NAPB: variants seen among roughly 807,000 people sequenced by gnomAD.
NAPB encodes beta-soluble NSF attachment protein.
A neutral mutation model predicts 44.7 loss-of-function variants in NAPB; 26 were observed. The observed-to-expected ratio is 0.58, with a 90% CI of 0.43 to 0.81. NAPB has a LOEUF of 0.81. Among genes scored for constraint, NAPB ranks in the 30% least tolerant of loss-of-function variants. NAPB has a pLI of 0.00. For missense variants in NAPB, 315 were observed against 356.4 expected (o/e 0.88, Z 0.94); for synonymous variants, 120 against 116.8 (o/e 1.03, Z -0.18).
Position 23,389,940 on chromosome 20 carries a change from C to T in NAPB, c.561+6G>A, listed in dbSNP as rs777970600. On this transcript the variant is annotated splice_donor_region_variant and intron_variant, in intron 7 of 10. Transcript: ENST00000377026. ...CTTCTCTCCAAGGAAACAACAGTAT[C>T]CTCACCTGCTCATAGATCTCAATGG... 2 of 1,612,718 alleles carry T rather than the reference C, an allele frequency of 1.2e-6. No homozygotes were observed. The highest frequency in any genetic ancestry group is 1.3e-5 in the African/African-American group (1 of 74,994).
chr20:23,385,427 G>T (rs1205841758), intron 7 of NAPB, among the ~76,000 whole-genome samples: 1 of 152,158 alleles, frequency 6.6e-6, no homozygotes, highest in Non-Finnish European at 1.5e-5. Context: ...TAAAGTTGGA[G>T]ATTTTAACAC....
intron 1 of NAPB, among the ~76,000 whole-genome samples, chr20:23,408,027 C>A (rs1381780370): frequency 6.6e-6 from 1 of 152,156 alleles, no homozygotes; most frequent in Non-Finnish European, 1.5e-5. Flanking sequence ...AAAAGGCTGA[C>A]AACTCCTGAG....
chr20:23,398,914 G>C (rs1487437057), intron 2 of NAPB, among the ~76,000 whole-genome samples: 1 of 99,258 alleles, frequency 1.0e-5, no homozygotes, highest in Non-Finnish European at 1.8e-5. Context: ...GGCTGGTTTT[G>C]AACTTCTGGG....
chr20:23,405,327 G>T (rs1460123895), intron 1 of NAPB, among the ~76,000 whole-genome samples: 1 of 80,008 alleles, frequency 1.2e-5, no homozygotes, highest in African/African-American at 3.7e-5. Flanking sequence ...GAGAGAGAGA[G>T]AAAGAAAGAA....
chr20:23,411,920 T>C (rs935196781), intron 1 of NAPB, among the ~76,000 whole-genome samples: 1 of 152,220 alleles, frequency 6.6e-6, no homozygotes, highest in African/African-American at 2.4e-5. Flanking sequence ...CTCGTCATTT[T>C]CAGATCTGCT....
intron 10 of NAPB, among the ~76,000 whole-genome samples, chr20:23,378,107 T>TA (rs1376926732): frequency 6.8e-6 from 1 of 147,122 alleles, no homozygotes; most frequent in Non-Finnish European, 1.5e-5. Flanking sequence ...GCCCAGGAGT[T>TA]AAGAGACCAG....
At chr20:23,418,465 C>T (rs34036626) in intron 1 of NAPB, among the ~76,000 whole-genome samples, 12,465 of 152,142 alleles carry the variant, frequency 0.082, 769 homozygotes, top group African/African-American at 0.17. Context: ...AGGAACACTA[C>T]GTCTGTTTTC....
chr20:23,397,309 A>G (rs1984440896), intron 2 of NAPB, 121 bp from the exon 3 acceptor site: 1 of 1,267,308 alleles, frequency 7.9e-7, no homozygotes, highest in Non-Finnish European at 1.0e-6. Flanking sequence ...TCTAGTCAGA[A>G]GCAAAAATCC....
chr20:23,411,114 G>T (rs2424546), intron 1 of NAPB, among the ~76,000 whole-genome samples: 45,193 of 151,970 alleles, frequency 0.3, 6,749 homozygotes, highest in Middle Eastern at 0.38. Flanking sequence ...TCCATGTAAT[G>T]AGAGTCCCTA....
intron 3 of NAPB, among the ~76,000 whole-genome samples, chr20:23,396,250 A>G (rs962149492): frequency 5.3e-5 from 8 of 152,236 alleles, no homozygotes; most frequent in Admixed American, 4.6e-4. Context: ...ACCATATTCT[A>G]AAGTACTGAT....
At chr20:23,404,751 G>C (rs1006920883) in intron 1 of NAPB, among the ~76,000 whole-genome samples, 1 of 152,200 alleles carries the variant, frequency 6.6e-6, no homozygotes, top group African/African-American at 2.4e-5. Flanking sequence ...TATGTCTCAT[G>C]AGGAACATGT....
At chr20:23,399,846 A>G (rs1021144815) in intron 2 of NAPB, among the ~76,000 whole-genome samples, 1 of 152,376 alleles carries the variant, frequency 6.6e-6, no homozygotes, top group Middle Eastern at 3.4e-3. Flanking sequence ...TAAAGTGCTT[A>G]GAAGGGCCTG....
At chr20:23,421,069 G>A (rs943411826) in intron 1 of NAPB, among the ~76,000 whole-genome samples, 5 of 150,042 alleles carry the variant, frequency 3.3e-5, no homozygotes, top group Admixed American at 6.6e-5. Flanking sequence ...CCCTGGGGGG[G>A]CCTGTGGGGT....
At chr20:23,385,206 G>T (rs61297472) in intron 7 of NAPB, among the ~76,000 whole-genome samples, 9,421 of 152,092 alleles carry the variant, frequency 0.062, 338 homozygotes, top group Middle Eastern at 0.13. Context: ...GAAAAAGAAT[G>T]GACAAACATA....
intron 7 of NAPB, among the ~76,000 whole-genome samples, chr20:23,385,372 C>A (rs1232357434): frequency 1.3e-5 from 2 of 152,090 alleles, no homozygotes; most frequent in African/African-American, 4.8e-5. Context: ...AAGTATGTGA[C>A]GCAAAGACTG....
intron 1 of NAPB, among the ~76,000 whole-genome samples, chr20:23,419,440 A>C (rs1388885887): frequency 1.3e-5 from 2 of 152,242 alleles, no homozygotes; most frequent in Non-Finnish European, 2.9e-5. Context: ...TTTCCTAAAA[A>C]CATCGAAAAC....
Position 23,403,745 on chromosome 20 carries a change from T to G in NAPB, c.99-673A>C, listed in dbSNP as rs1358769330. On this transcript the variant is annotated intron_variant, in intron 1 of 10. Transcript: ENST00000377026. ...GGAAGTTTTATATCAGTCTGAGTAGTTAAAAGTACGTTTTTCAAAGGAGAT... is the reference window on the plus strand; with the variant it reads ...GGAAGTTTTATATCAGTCTGAGTAGGTAAAAGTACGTTTTTCAAAGGAGAT... Among the ~76,000 whole-genome samples the G allele has an allele frequency of 3.9e-5, 6 of 152,290 alleles. No individual in the cohort carries two copies. The East Asian group carries it at 1.2e-3, about 29-fold the overall frequency.
At chr20:23,383,244 A>AACCTACAG (rs1568603971) in intron 7 of NAPB, among the ~76,000 whole-genome samples, 1 of 152,144 alleles carries the variant, frequency 6.6e-6, no homozygotes, top group Non-Finnish European at 1.5e-5. Flanking sequence ...AAGAAACATA[A>AACCTACAG]ACCTACAGAT....
At chr20:23,397,277 A>C in intron 2 of NAPB, 89 bp from the exon 3 acceptor site, 1 of 1,417,116 alleles carries the variant, frequency 7.1e-7, no homozygotes, top group Non-Finnish European at 9.4e-7. Flanking sequence ...TAGAAAAATT[A>C]TATTCCACTG....
Sources: allele counts gnomAD v4.1 joint callset (sites outside exome capture counted in the v4.1 genomes callset), GRCh38; gene constraint gnomAD v4.1.1; transcripts MANE v1.5; gene names NCBI Gene and HGNC (gene_info 2026-07-23, HGNC 2026-07-21).